CLCN7: variants seen among roughly 807,000 people sequenced by gnomAD.
CLCN7 encodes the protein H(+)/Cl(-) exchange transporter 7.
Under a neutral mutation model 102.1 loss-of-function variants are expected in CLCN7, and 60 were observed. The observed-to-expected ratio is 0.59, with a 90% CI of 0.48 to 0.73. The LOEUF (loss-of-function observed/expected upper bound fraction) is 0.73, where lower values mean the gene tolerates loss of function less well. Among genes scored for constraint, CLCN7 ranks in the 30% least tolerant of loss-of-function variants. The probability of loss-of-function intolerance (pLI) is 0.00; values close to 1 mark genes in which losing one functional copy is unlikely to be tolerated. For missense variants in CLCN7, 962 were observed against 1,125.7 expected (o/e 0.85, Z 2.08); for synonymous variants, 560 against 490.5 (o/e 1.14, Z -1.87).
chr16:1,452,038 G>A (rs2038759920), intron 15 of CLCN7: 2 of 379,182 alleles, frequency 5.3e-6, no homozygotes, highest in South Asian at 2.2e-5. Flanking sequence ...GGTGGGCCCA[G>A]GCGCTCACAT....
intron 2 of CLCN7, among the ~76,000 whole-genome samples, chr16:1,464,273 C>G (rs2038975207): frequency 6.6e-6 from 1 of 152,232 alleles, no homozygotes. Flanking sequence ...TGTGGCCGGC[C>G]AGGCACCCGC....
intron 1 of CLCN7, among the ~76,000 whole-genome samples, chr16:1,471,286 A>G (rs903745479): frequency 1.3e-5 from 2 of 152,110 alleles, no homozygotes; most frequent in Non-Finnish European, 2.9e-5. Context: ...CAACCTGAAA[A>G]TCCTGCAACA....
At position 1,448,167 on chromosome 16, in the gene CLCN7, GC is replaced by G. The variant is rs537451642; in HGVS notation, c.2013+187del. 855 of 800,652 alleles carry G rather than the reference GC, an allele frequency of 1.1e-3. 3 individuals are homozygous for G. Among genetic ancestry groups the G allele is most frequent in the Admixed American group, 1.2e-3 (51 of 43,992 alleles). 49.6% of individuals were successfully genotyped at this position (800,652 alleles called of 1,614,324 possible). ...AACCCCAAGACCCTGCCAGGCCGCA[GC>G]CCCCCCCACCAGCCTCAGCGTCCAC... On this transcript the variant is annotated intron_variant, in intron 21 of 24. Coordinates refer to ENST00000382745, the MANE Select transcript of CLCN7 (RefSeq NM_001287.6).
Position 1,446,371 on chromosome 16 carries a change from G to A in CLCN7, c.*260C>T. ...GGTCACACACACACAGCTGATCCCT[G>A]GAGGTAAAGAAACCTAGACGAGGAG... is the stretch of plus-strand genomic sequence containing the variant. On this transcript the variant is annotated 3_prime_UTR_variant, in exon 25 of 25. Transcript: ENST00000382745. 1 of 702,312 alleles carries A rather than the reference G, an allele frequency of 1.4e-6. No homozygotes were observed. The highest frequency in any genetic ancestry group is 2.6e-6 in the Non-Finnish European group (1 of 384,768). The allele number at this position is 702,312 out of a possible 1,614,324, so 43.5% of individuals were successfully genotyped here.
In CLCN7 at chr16:1,474,486, A is replaced by G. The variant is rs552941889; in HGVS notation, c.141+348T>C. 21 of 346,068 alleles carry G rather than the reference A, an allele frequency of 6.1e-5. No homozygotes were observed. In the East Asian group the frequency reaches 1.8e-3, roughly 30 times the overall value. 21.4% of individuals were successfully genotyped at this position (346,068 alleles called of 1,614,324 possible). ...TTAAAAGTCACCTGAACAGAAAGCC[A>G]CTTGCACCCCTTTAGGGCCAGTCTG... On this transcript the variant is annotated intron_variant, in intron 1 of 24. Transcript: ENST00000382745.
chr16:1,474,630 C>T (rs2039125789), intron 1 of CLCN7, among the ~76,000 whole-genome samples: 1 of 152,098 alleles, frequency 6.6e-6, no homozygotes, highest in Admixed American at 6.5e-5. Context: ...CCACCGAGCC[C>T]GGCGCGGCCT....
intron 2 of CLCN7, among the ~76,000 whole-genome samples, chr16:1,464,561 G>A (rs916715281): frequency 3.3e-5 from 5 of 152,256 alleles, no homozygotes; most frequent in Admixed American, 6.5e-5. Context: ...GAGCGACTGC[G>A]GCAGAGCTCA....
chr16:1,455,620 G>A (rs561770748), intron 11 of CLCN7, 111 bp downstream of exon 11: 1 of 1,154,746 alleles, frequency 8.7e-7, no homozygotes, highest in Non-Finnish European at 1.3e-6. Context: ...GACCCACAGG[G>A]GGTCCAGCTC....
intron 1 of CLCN7, among the ~76,000 whole-genome samples, chr16:1,471,237 C>T (rs1330318009): frequency 3.9e-5 from 6 of 152,186 alleles, no homozygotes; most frequent in African/African-American, 1.4e-4. Context: ...AGTGTTTGGC[C>T]AGCTGTGCCC....
At chr16:1,456,595 T>A (rs923035119) in intron 9 of CLCN7, among the ~76,000 whole-genome samples, 3 of 152,196 alleles carry the variant, frequency 2.0e-5, no homozygotes, top group Admixed American at 2.0e-4. Flanking sequence ...TCCCAGCACT[T>A]TGGGAGGCCG....
chr16:1,457,672 G>A lies in CLCN7; in HGVS notation c.738+22C>T, dbSNP rs932591709. 6 of 1,612,748 alleles carry A rather than the reference G, an allele frequency of 3.7e-6. No homozygotes were observed. Among genetic ancestry groups the A allele is most frequent in the Non-Finnish European group, 1.7e-6 (2 of 1,179,540 alleles). ...CCGGCGGCCTCAGGCTCCAGCTGGA[G>A]TGGCCATGTGCACTTTGTTACCTTT... On this transcript the variant is annotated intron_variant, in intron 8 of 24. Coordinates refer to ENST00000382745, the MANE Select transcript of CLCN7 (RefSeq NM_001287.6). This position sits in a 1 kb window ranked among gnomAD's most constrained non-coding sequence, Gnocchi z 5.4.
chr16:1,460,705 C>G, intron 5 of CLCN7, 111 bp downstream of exon 5: 2 of 1,533,712 alleles, frequency 1.3e-6, no homozygotes, highest in Non-Finnish European at 8.9e-7. Flanking sequence ...GCCAGCCTGG[C>G]CGGGCCGCCT....
At chr16:1,458,470 C>G (rs2038874668) in intron 7 of CLCN7, among the ~76,000 whole-genome samples, 1 of 152,276 alleles carries the variant, frequency 6.6e-6, no homozygotes, top group Non-Finnish European at 1.5e-5. Flanking sequence ...GATCTCCCAC[C>G]ACAGGGCAGG....
intron 16 of CLCN7, 26 bp from the exon 17 acceptor site, chr16:1,450,692 GCCTCCA>G: frequency 6.5e-7 from 1 of 1,528,816 alleles, no homozygotes; most frequent in Non-Finnish European, 8.8e-7. Flanking sequence ...GGCTGACGGG[GCCTCCA>G]CGACTCCCGC....
Position 1,457,421 on chromosome 16 carries a change from G to A in CLCN7, c.739-84C>T, listed in dbSNP as rs556104707. ...CAGAAGGACCGATGCTCAGAGACAC[G>A]CGTGACGCGGCCCTTCCTGGAGACC... On this transcript the variant is annotated intron_variant, in intron 8 of 24. Transcript: ENST00000382745. The surrounding 1 kb of genome is among the most constrained non-coding windows in gnomAD (Gnocchi z 5.4). 4.2e-4 allele frequency: 479 copies of A among 1,140,102 alleles called. 7 individuals are homozygous for A. The South Asian group carries it at 5.4e-3, about 13-fold the overall frequency. 70.6% of individuals were successfully genotyped at this position (1,140,102 alleles called of 1,614,324 possible).
chr16:1,449,688 C>T, intron 17 of CLCN7: 1 of 332,952 alleles, frequency 3.0e-6, no homozygotes. Flanking sequence ...GGCCACAGAA[C>T]CCAGGCATGG....
At chr16:1,465,131 C>T (rs2142395747) in intron 2 of CLCN7, 136 bp downstream of exon 2, 1 of 765,450 alleles carries the variant, frequency 1.3e-6, no homozygotes, top group Non-Finnish European at 2.3e-6. Flanking sequence ...GGACCATGTC[C>T]CCCCAAGGAA....
At position 1,456,186 on chromosome 16, in the gene CLCN7, T is replaced by C; in HGVS notation, c.843A>G (p.Arg281=). The change falls in exon 10 of 25, where the codon AGA becomes AGG. Residue 281 remains arginine (R), a synonymous_variant. Coordinates refer to ENST00000382745, the MANE Select transcript of CLCN7 (RefSeq NM_001287.6). ...AGACGAAGTCCCGCTTCTCTGTGTC[T>C]CTGCGGAAGTACTCGAAGATCTGCA... ...RDFKIFEYFR[R]DTEKRDFVSA... is the part of the protein sequence containing the mutation. 1.9e-6 allele frequency: 3 copies of C among 1,567,304 alleles called. No homozygotes were observed. Among genetic ancestry groups the C allele is most frequent in the Non-Finnish European group, 2.6e-6 (3 of 1,155,258 alleles).
chr16:1,453,658 C>T (rs1454223190), intron 14 of CLCN7, among the ~76,000 whole-genome samples, 176 bp downstream of exon 14: 1 of 152,244 alleles, frequency 6.6e-6, no homozygotes, highest in Non-Finnish European at 1.5e-5. Flanking sequence ...ACCCTCCAGG[C>T]CCCGGGACAC....
Sources: allele counts gnomAD v4.1 joint callset (sites outside exome capture counted in the v4.1 genomes callset), GRCh38; gene constraint gnomAD v4.1.1; non-coding constraint Gnocchi (gnomAD v3.1); transcripts MANE v1.5; gene names NCBI Gene and HGNC (gene_info 2026-07-23, HGNC 2026-07-21).